NKAIN2: variants seen among roughly 807,000 people sequenced by gnomAD.
NKAIN2 encodes the protein sodium/potassium-transporting ATPase subunit beta-1-interacting protein 2.
A neutral mutation model predicts 32.6 loss-of-function variants in NKAIN2; 14 were observed. The observed-to-expected ratio is 0.43, with a 90% confidence interval of 0.28 to 0.67. NKAIN2 has a LOEUF of 0.67. Ranked by LOEUF, NKAIN2 falls within the 30% of genes least tolerant of loss-of-function variation. The pLI is 0.17. For missense variants in NKAIN2, 198 were observed against 258.3 expected (o/e 0.77, Z 1.60); for synonymous variants, 80 against 87.2 (o/e 0.92, Z 0.46).
intron 1 of NKAIN2, among the ~76,000 whole-genome samples, chr6:124,192,771 A>G (rs1229173141): frequency 1.1e-5 from 1 of 94,220 alleles, no homozygotes; most frequent in African/African-American, 4.2e-5. Context: ...TTTTTTTGAG[A>G]CAGAGTCTCG....
At chr6:124,817,094 C>T (rs1391741147) in intron 5 of NKAIN2, among the ~76,000 whole-genome samples, 1 of 152,148 alleles carries the variant, frequency 6.6e-6, no homozygotes, top group Non-Finnish European at 1.5e-5. Flanking sequence ...GATTCCAAGA[C>T]TGAGCTGACT....
At chr6:124,465,743 T>A (rs1308355918) in intron 3 of NKAIN2, among the ~76,000 whole-genome samples, 1 of 152,132 alleles carries the variant, frequency 6.6e-6, no homozygotes, top group African/African-American at 2.4e-5. Context: ...GTTAGAATGC[T>A]GTCAACCTGT....
intron 1 of NKAIN2, among the ~76,000 whole-genome samples, chr6:123,889,833 T>C (rs1376269617): frequency 6.6e-6 from 1 of 152,166 alleles, no homozygotes; most frequent in East Asian, 1.9e-4. Flanking sequence ...GAGTTTCTGT[T>C]TCTTCCTTGA....
intron 4 of NKAIN2, among the ~76,000 whole-genome samples, chr6:124,760,716 G>A (rs1778225543): frequency 6.6e-6 from 1 of 152,052 alleles, no homozygotes; most frequent in African/African-American, 2.4e-5. Context: ...CATATTAAGA[G>A]CCACTGCTTG....
intron 4 of NKAIN2, among the ~76,000 whole-genome samples, chr6:124,679,116 CAA>C (rs1773499240): frequency 6.6e-6 from 1 of 152,012 alleles, no homozygotes; most frequent in African/African-American, 2.4e-5. Flanking sequence ...CCAAGACAGT[CAA>C]GAGAGAAGCC....
intron 3 of NKAIN2, among the ~76,000 whole-genome samples, chr6:124,544,704 T>A (rs926299365): frequency 5.9e-5 from 9 of 152,146 alleles, no homozygotes; most frequent in African/African-American, 2.2e-4. Flanking sequence ...TACAATGAGT[T>A]CTGTCTGTTC....
chr6:124,804,933 G>C lies in NKAIN2; in HGVS notation c.536-13454G>C, dbSNP rs529243860. Among the ~76,000 whole-genome samples the C allele has an allele frequency of 6.9e-4, 105 of 152,308 alleles. 1 individual carries two copies. The highest frequency in any genetic ancestry group is 2.3e-3 in the African/African-American group (94 of 41,578). On this transcript the variant is annotated intron_variant, in intron 5 of 6. Coordinates refer to ENST00000368417, the MANE Select transcript of NKAIN2 (RefSeq NM_001040214.3). ...GATCAAACTGCAAGGCGGCAGCGAGGCTGGGGGAAGGGCGCCCGCCATTGC... is the reference window on the plus strand; with the variant it reads ...GATCAAACTGCAAGGCGGCAGCGAGCCTGGGGGAAGGGCGCCCGCCATTGC...
intron 3 of NKAIN2, among the ~76,000 whole-genome samples, chr6:124,380,045 C>T (rs1018562199): frequency 6.6e-6 from 1 of 152,122 alleles, no homozygotes; most frequent in African/African-American, 2.4e-5. Flanking sequence ...TCACGCTATG[C>T]AGTTATTACT....
intron 1 of NKAIN2, among the ~76,000 whole-genome samples, chr6:124,148,859 A>T (rs1175122289): frequency 6.6e-6 from 1 of 152,204 alleles, no homozygotes; most frequent in African/African-American, 2.4e-5. Flanking sequence ...AACTGTGTTT[A>T]ACAATTTGAG....
intron 3 of NKAIN2, among the ~76,000 whole-genome samples, chr6:124,458,699 C>T (rs528965265): frequency 2.6e-5 from 4 of 151,862 alleles, no homozygotes; most frequent in South Asian, 2.1e-4. Flanking sequence ...TATTTTGAGG[C>T]GATCTTCTAA....
chr6:124,395,209 A>G (rs1396103538), intron 3 of NKAIN2, among the ~76,000 whole-genome samples: 1 of 152,130 alleles, frequency 6.6e-6, no homozygotes, highest in Non-Finnish European at 1.5e-5. Flanking sequence ...GATGTTCTCA[A>G]TATGCTTGCC....
chr6:123,953,127 A>T (rs1034519943), intron 1 of NKAIN2, among the ~76,000 whole-genome samples: 13 of 152,248 alleles, frequency 8.5e-5, no homozygotes, highest in Non-Finnish European at 1.6e-4. Flanking sequence ...TGTTCTTATC[A>T]TTCCTTTGGT....
chr6:124,406,532 T>C (rs983391321), intron 3 of NKAIN2, among the ~76,000 whole-genome samples: 1 of 152,164 alleles, frequency 6.6e-6, no homozygotes, highest in African/African-American at 2.4e-5. Context: ...TTGTATATAA[T>C]GATGCTAAAA....
At chr6:124,658,557 G>C in intron 4 of NKAIN2, 171 bp downstream of exon 4, 1 of 1,434,144 alleles carries the variant, frequency 7.0e-7, no homozygotes, top group East Asian at 2.5e-5. Context: ...CCATCCTCTG[G>C]ACTTAGTGTG....
intron 1 of NKAIN2, among the ~76,000 whole-genome samples, chr6:124,152,261 A>G (rs188306535): frequency 2.7e-4 from 41 of 152,076 alleles, no homozygotes; most frequent in Non-Finnish European, 2.7e-4. Context: ...ACAGTTAATA[A>G]TAATTGTAAA....
At chr6:123,860,240 A>G (rs1341377619) in intron 1 of NKAIN2, among the ~76,000 whole-genome samples, 1 of 152,170 alleles carries the variant, frequency 6.6e-6, no homozygotes, top group African/African-American at 2.4e-5. Context: ...AGAAATACAG[A>G]TGGAAGAAAA....
At chr6:124,599,655 C>T (rs1420201705) in intron 3 of NKAIN2, among the ~76,000 whole-genome samples, 1 of 152,050 alleles carries the variant, frequency 6.6e-6, no homozygotes, top group African/African-American at 2.4e-5. Flanking sequence ...GTTGAAATGT[C>T]GTTTTTATAA....
intron 2 of NKAIN2, among the ~76,000 whole-genome samples, chr6:124,313,918 A>T (rs1355694464): frequency 6.6e-6 from 1 of 152,122 alleles, no homozygotes; most frequent in African/African-American, 2.4e-5. Flanking sequence ...AAAATGCCCT[A>T]TTGAATAAGT....
intron 1 of NKAIN2, among the ~76,000 whole-genome samples, chr6:124,183,976 T>A (rs1016576704): frequency 6.6e-6 from 1 of 152,182 alleles, no homozygotes; most frequent in Non-Finnish European, 1.5e-5. Context: ...ATTTGTACTT[T>A]GGCCTAATGT....
Sources: allele counts gnomAD v4.1 joint callset (sites outside exome capture counted in the v4.1 genomes callset), GRCh38; gene constraint gnomAD v4.1.1; transcripts MANE v1.5; gene names NCBI Gene and HGNC (gene_info 2026-07-23, HGNC 2026-07-21).